The following RBM47 variants were observed in gnomAD, a reference collection of about 807,000 sequenced individuals.
RBM47 encodes the protein RNA binding motif protein 47.
A neutral mutation model predicts 47.1 loss-of-function variants in RBM47; 21 were observed. That is an observed-to-expected ratio of 0.45 (90% CI 0.32 to 0.64). RBM47 has a LOEUF of 0.64. Among genes scored for constraint, RBM47 ranks in the 30% least tolerant of loss-of-function variants. RBM47 has a pLI of 0.05. For synonymous variants in RBM47, 375 were observed against 361.7 expected, an observed-to-expected ratio of 1.04 and a Z score of -0.42; for missense variants, 708 against 870.9, an observed-to-expected ratio of 0.81 and a Z score of 2.35.
chr4:40,607,215 G>C (rs1176204494), intron 1 of RBM47, among the ~76,000 whole-genome samples: 1 of 152,092 alleles, frequency 6.6e-6, no homozygotes, highest in Non-Finnish European at 1.5e-5. Flanking sequence ...AACATGGATG[G>C]ATCCTGAAAA....
chr4:40,468,869 T>G (rs1449112532), intron 2 of RBM47, among the ~76,000 whole-genome samples: 1 of 152,232 alleles, frequency 6.6e-6, no homozygotes, highest in Non-Finnish European at 1.5e-5. Context: ...TAATACCTAG[T>G]AATCAAGATC....
At chr4:40,485,629 C>T (rs1364055974) in intron 2 of RBM47, among the ~76,000 whole-genome samples, 1 of 152,040 alleles carries the variant, frequency 6.6e-6, no homozygotes, top group Non-Finnish European at 1.5e-5. Context: ...GGTGAAATTA[C>T]TATAAGAATT....
At chr4:40,519,674 T>C (rs1435529014) in intron 2 of RBM47, among the ~76,000 whole-genome samples, 1 of 130,080 alleles carries the variant, frequency 7.7e-6, no homozygotes, top group East Asian at 2.1e-4. Flanking sequence ...TTTTTTTTTT[T>C]TTTTTTTTTT....
chr4:40,494,789 G>A (rs1039453895), intron 2 of RBM47, among the ~76,000 whole-genome samples: 1 of 152,088 alleles, frequency 6.6e-6, no homozygotes, highest in African/African-American at 2.4e-5. Context: ...AGATAAGACT[G>A]CTATAGGTTT....
intron 2 of RBM47, among the ~76,000 whole-genome samples, chr4:40,533,488 A>G (rs548486344): frequency 6.6e-6 from 1 of 152,134 alleles, no homozygotes; most frequent in East Asian, 1.9e-4. Context: ...GGTAGGAAAG[A>G]GCAATACAAA....
chr4:40,427,461 C>G (rs1260372310), intron 6 of RBM47: 1 of 152,198 alleles, frequency 6.6e-6, no homozygotes, highest in Non-Finnish European at 1.5e-5. Context: ...TCAGAACAAA[C>G]AGGAGTATGA....
At chr4:40,539,957 G>A (rs1728349454) in intron 2 of RBM47, among the ~76,000 whole-genome samples, 1 of 151,954 alleles carries the variant, frequency 6.6e-6, no homozygotes, top group African/African-American at 2.4e-5. Context: ...TTCAACTTGT[G>A]AGTTAAATAA....
intron 1 of RBM47, among the ~76,000 whole-genome samples, chr4:40,607,859 C>G (rs902237059): frequency 1.1e-4 from 16 of 152,152 alleles, no homozygotes; most frequent in Admixed American, 7.9e-4. Context: ...AATCCTAGCA[C>G]TTTGGGAGGT....
intron 1 of RBM47, among the ~76,000 whole-genome samples, chr4:40,589,698 C>T (rs1159139107): frequency 6.6e-6 from 1 of 152,264 alleles, no homozygotes; most frequent in Non-Finnish European, 1.5e-5. Flanking sequence ...CTCGGCCTCC[C>T]GAAGTGCTGG....
rs762733129 is a variant in RBM47, at chr4:40,432,687, A to AGCGGCT, written c.1500_1505dup (p.Ala501_Ala502dup). ...GTGGCGTCGACACAGTGGGAATGAC[A>AGCGGCT]GCGGCTGCGGCGGCTGCGGCCGCGG... On this transcript the variant is annotated inframe_insertion, in exon 6 of 7. Transcript: ENST00000295971. 5 of 1,610,110 alleles carry AGCGGCT rather than the reference A, an allele frequency of 3.1e-6. No individual in the cohort carries two copies. In the South Asian group the frequency reaches 3.3e-5, roughly 11 times the overall value.
Position 40,424,115 on chromosome 4 carries a change from A to G in RBM47, c.*1789T>C, listed in dbSNP as rs528183445. 6.6e-6 allele frequency: 1 copy of G among 152,216 alleles called. No homozygotes were observed. The highest frequency in any genetic ancestry group is 1.5e-5 in the Non-Finnish European group (1 of 68,034). The allele number at this position is 152,216 out of a possible 1,614,324, so 9.4% of individuals were successfully genotyped here. On this transcript the variant is annotated 3_prime_UTR_variant, in exon 7 of 7. Coordinates refer to ENST00000295971, the MANE Select transcript of RBM47 (RefSeq NM_001098634.2). ...ATCTCATTTCAAGATGAGGGGGAAA[A>G]AGGCATTTGGGAATCTCTTAATTTA... is the stretch of plus-strand genomic sequence containing the variant.
intron 2 of RBM47, chr4:40,502,090 T>G (rs903123982): frequency 6.5e-6 from 1 of 154,246 alleles, no homozygotes; most frequent in Non-Finnish European, 1.5e-5. Flanking sequence ...AACACTAACA[T>G]GGTCTAGAAC....
chr4:40,468,809 T>C (rs1718429526), intron 2 of RBM47, among the ~76,000 whole-genome samples: 1 of 152,188 alleles, frequency 6.6e-6, no homozygotes. Flanking sequence ...ATACACATAA[T>C]CTTTACCCAA....
At chr4:40,458,870 C>T (rs1484456823) in intron 3 of RBM47, among the ~76,000 whole-genome samples, 2 of 151,992 alleles carry the variant, frequency 1.3e-5, no homozygotes, top group African/African-American at 4.8e-5. Context: ...AACTCTAATA[C>T]CCCATGGCTT....
intron 1 of RBM47, among the ~76,000 whole-genome samples, chr4:40,592,930 T>C (rs1359191770): frequency 9.6e-6 from 1 of 104,620 alleles, no homozygotes; most frequent in Non-Finnish European, 1.8e-5. Flanking sequence ...TGCAAACAAT[T>C]TGGGACATAT....
chr4:40,569,012 T>TAGAC (rs1553902782), intron 1 of RBM47, among the ~76,000 whole-genome samples: 17 of 90,634 alleles, frequency 1.9e-4, no homozygotes, highest in African/African-American at 5.7e-4. Context: ...GATAGATAGA[T>TAGAC]AGATAGACAG....
intron 1 of RBM47, among the ~76,000 whole-genome samples, chr4:40,597,736 GC>G (rs1164162445): frequency 2.0e-5 from 3 of 152,002 alleles, no homozygotes; most frequent in African/African-American, 7.2e-5. Flanking sequence ...CCATTTTTTT[GC>G]AGAAATGATT....
At chr4:40,604,841 T>C (rs1293579926) in intron 1 of RBM47, among the ~76,000 whole-genome samples, 1 of 151,454 alleles carries the variant, frequency 6.6e-6, no homozygotes, top group African/African-American at 2.4e-5. Context: ...CTCAGCCTCC[T>C]GAGTTGCTGG....
intron 1 of RBM47, among the ~76,000 whole-genome samples, chr4:40,601,684 A>G (rs1735295269): frequency 6.6e-6 from 1 of 152,176 alleles, no homozygotes; most frequent in Admixed American, 6.5e-5. Context: ...CAAGGCTTCC[A>G]TTGTGGATTT....
Sources: gnomAD v4.1 joint callset for allele counts (sites outside exome capture counted in the v4.1 genomes callset) on GRCh38, gnomAD v4.1.1 for gene constraint, MANE v1.5 for transcripts, NCBI Gene and HGNC (gene_info 2026-07-23, HGNC 2026-07-21) for gene names.